The following CTSE variants were observed in gnomAD, a reference collection of about 807,000 sequenced individuals.
The protein encoded by CTSE is erythrocyte membrane aspartic proteinase.
Under a neutral mutation model 42.8 loss-of-function variants are expected in CTSE, and 43 were observed. That is an observed-to-expected ratio of 1.01 (90% CI 0.79 to 1.30). CTSE has a LOEUF of 1.30. Among genes scored for constraint, CTSE ranks in the 50% most tolerant of loss-of-function variants. The pLI is 0.00. For missense variants in CTSE, 532 were observed against 493.5 expected (o/e 1.08, Z -0.74); for synonymous variants, 205 against 191.5 (o/e 1.07, Z -0.58).
intron 4 of CTSE, among the ~76,000 whole-genome samples, chr1:206,019,739 CTT>C (rs1212853579): frequency 6.9e-6 from 1 of 145,072 alleles, no homozygotes; most frequent in Non-Finnish European, 1.5e-5. Flanking sequence ...TATATAGAAT[CTT>C]ATATATAACA....
In CTSE at chr1:206,012,253, T is replaced by G. The variant is rs1661121877; in HGVS notation, c.1026+55A>C. On this transcript the variant is annotated intron_variant, in intron 8 of 8. Coordinates refer to ENST00000358184, the MANE Select transcript of CTSE (RefSeq NM_001910.4). ...AGTGCAGGCGATTGAAAAGGGGAAGTGGCAGGCATGTGGGGAGGGCCCTGT... is the reference window on the plus strand; with the variant it reads ...AGTGCAGGCGATTGAAAAGGGGAAGGGGCAGGCATGTGGGGAGGGCCCTGT... 5.7e-6 allele frequency: 8 copies of G among 1,404,710 alleles called. No individual in the cohort carries two copies. In the South Asian group the frequency reaches 9.6e-5, roughly 17 times the overall value. 87.0% of individuals were successfully genotyped at this position (1,404,710 alleles called of 1,614,324 possible). A position where few individuals can be genotyped will look rare whatever the true frequency, so the allele number is the denominator to read the frequency against.
chr1:206,013,736 C>A (rs1316879720), intron 6 of CTSE, 36 bp downstream of exon 6: 1 of 1,607,976 alleles, frequency 6.2e-7, no homozygotes, highest in African/African-American at 1.3e-5. Context: ...TTCAGTTTAC[C>A]CCTAGTACTG....
chr1:206,010,453 G>A (rs1330164557), intron 8 of CTSE, 106 bp from the exon 9 acceptor site: 7 of 948,682 alleles, frequency 7.4e-6, no homozygotes, highest in African/African-American at 1.6e-5. Flanking sequence ...GGTGGCCTTG[G>A]ACAGCTGGTG....
chr1:206,022,582 T>A (rs1352281419), intron 2 of CTSE, among the ~76,000 whole-genome samples: 4 of 151,992 alleles, frequency 2.6e-5, no homozygotes, highest in Non-Finnish European at 4.4e-5. Flanking sequence ...GAACTGGGGC[T>A]GGGAGAGGTT....
chr1:206,017,846 C>A (rs1164569957), intron 4 of CTSE, among the ~76,000 whole-genome samples: 1 of 151,982 alleles, frequency 6.6e-6, no homozygotes, highest in Non-Finnish European at 1.5e-5. Flanking sequence ...ATCCCAATAT[C>A]CTTTCTGTAG....
At chr1:206,011,160 C>T (rs1269097253) in intron 8 of CTSE, among the ~76,000 whole-genome samples, 9 of 152,136 alleles carry the variant, frequency 5.9e-5, no homozygotes, top group East Asian at 1.9e-4. Context: ...CCACCCGCCT[C>T]GGCCTCCCAA....
At position 206,013,322 on chromosome 1, in the gene CTSE, TGC is replaced by T. The variant is rs1198361817; in HGVS notation, c.785+448_785+449del. 2.6e-5 allele frequency among the ~76,000 whole-genome samples: 4 copies of T among 152,046 alleles called. No individual in the cohort carries two copies. In the East Asian group the frequency reaches 7.7e-4, roughly 29 times the overall value. On this transcript the variant is annotated intron_variant, in intron 6 of 8. Transcript: ENST00000358184. ...TGGAGCATTCAGATAGAAGCGGTCA[TGC>T]CTGTCTGCTGGACCACATTGGTGGC...
rs1661041862 is a variant in CTSE at position 206,010,052 on chromosome 1, T to A, written c.*131A>T. ...GTGTGTATTCTCATGTTCTGTTTGG[T>A]CTTAATTCAAGTTGCAACCCTGGAA... On this transcript the variant is annotated 3_prime_UTR_variant, in exon 9 of 9. Transcript: ENST00000358184. 9.9e-7 allele frequency: 1 copy of A among 1,006,048 alleles called. No homozygotes were observed. Among genetic ancestry groups the A allele is most frequent in the South Asian group, 1.4e-5 (1 of 69,568 alleles). The allele number at this position is 1,006,048 out of a possible 1,614,324, so 62.3% of individuals were successfully genotyped here.
intron 5 of CTSE, among the ~76,000 whole-genome samples, chr1:206,014,600 A>G (rs1661211803): frequency 6.6e-6 from 1 of 152,036 alleles, no homozygotes; most frequent in Non-Finnish European, 1.5e-5. Context: ...ACCTTGGTGC[A>G]AGGCCGTGTA....
chr1:206,014,068 CT>C, intron 5 of CTSE, 174 bp from the exon 6 acceptor site: 1 of 665,690 alleles, frequency 1.5e-6, no homozygotes, highest in South Asian at 1.9e-5. Flanking sequence ...TGGTCTGGGC[CT>C]TTTTGACACA....
At chr1:206,020,684 T>A (rs1661391690) in intron 4 of CTSE, among the ~76,000 whole-genome samples, 1 of 152,014 alleles carries the variant, frequency 6.6e-6, no homozygotes, top group African/African-American at 2.4e-5. Flanking sequence ...CCCCCTTATG[T>A]TACTGAGTCC....
chr1:206,023,841 C>G lies in CTSE; in HGVS notation c.-50G>C. On this transcript the variant is annotated 5_prime_UTR_variant, in exon 1 of 9. Coordinates refer to ENST00000358184, the MANE Select transcript of CTSE (RefSeq NM_001910.4). Reference sequence around the variant, plus strand: ...CCTTGCCCCCTCCTTTCTTCTCTCCCCGAGGGCAGTGGGAACGGACTTTCC... The same window carrying G: ...CCTTGCCCCCTCCTTTCTTCTCTCCGCGAGGGCAGTGGGAACGGACTTTCC... The G allele has an allele frequency of 6.3e-7, 1 of 1,591,688 alleles. No individual in the cohort carries two copies. The highest frequency in any genetic ancestry group is 8.6e-7 in the Non-Finnish European group (1 of 1,160,638).
In CTSE at chr1:206,023,802, A is replaced by G. The variant is rs782267627; in HGVS notation, c.-11T>C. ...AAGGAGCGTTTTCATTGTGAGTCCG[A>G]CCAGCAGCTTCTCCCTTGCCCCCTC... On this transcript the variant is annotated 5_prime_UTR_variant, in exon 1 of 9. Coordinates refer to ENST00000358184, the MANE Select transcript of CTSE (RefSeq NM_001910.4). The G allele has an allele frequency of 6.2e-7, 1 of 1,613,174 alleles. No individual in the cohort carries two copies. The highest frequency in any genetic ancestry group is 2.2e-5 in the East Asian group (1 of 44,862).
chr1:206,021,041 G>A lies in CTSE; in HGVS notation c.462+8C>T. 1 of 1,570,176 alleles carries A rather than the reference G, an allele frequency of 6.4e-7. No homozygotes were observed. The highest frequency in any genetic ancestry group is 8.8e-7 in the Non-Finnish European group (1 of 1,139,852). The stretch of plus-strand genomic sequence containing the variant: ...CCAAGAGAGAAAAAATGAAGGACTT[G>A]CACTCACAGAGACTTGGTCGGCTCC... On this transcript the variant is annotated splice_region_variant and intron_variant, in intron 4 of 8. Coordinates refer to ENST00000358184, the MANE Select transcript of CTSE (RefSeq NM_001910.4).
intron 6 of CTSE, 31 bp from the exon 7 acceptor site, chr1:206,012,680 T>A (rs781784517): frequency 6.2e-7 from 1 of 1,604,254 alleles, no homozygotes; most frequent in African/African-American, 1.3e-5. Context: ...TCGGCCCACC[T>A]TCCCTCCCCC....
At position 206,010,103 on chromosome 1, in the gene CTSE, T is replaced by G; in HGVS notation, c.*80A>C. On this transcript the variant is annotated 3_prime_UTR_variant, in exon 9 of 9. Coordinates refer to ENST00000358184, the MANE Select transcript of CTSE (RefSeq NM_001910.4). ...ACAGCTACATTCTCTGGAAAATAAC[T>G]TTTTGTAGGTGTAAAGAATGCCCCA... 1 of 1,571,420 alleles carries G rather than the reference T, an allele frequency of 6.4e-7. No individual in the cohort carries two copies. Among genetic ancestry groups the G allele is most frequent in the Non-Finnish European group, 8.7e-7 (1 of 1,144,208 alleles).
At chr1:206,018,054 C>A (rs1201151378) in intron 4 of CTSE, among the ~76,000 whole-genome samples, 1 of 151,952 alleles carries the variant, frequency 6.6e-6, no homozygotes, top group Admixed American at 6.6e-5. Flanking sequence ...AGAAGTCTCT[C>A]GACAATTCAC....
intron 4 of CTSE, among the ~76,000 whole-genome samples, chr1:206,017,156 TTTG>T (rs1661285549): frequency 6.6e-6 from 1 of 152,122 alleles, no homozygotes; most frequent in Non-Finnish European, 1.5e-5. Context: ...TCGCACATTT[TTTG>T]TTAAATTTAC....
chr1:206,013,569 T>A (rs1214328133), intron 6 of CTSE, among the ~76,000 whole-genome samples: 1 of 152,000 alleles, frequency 6.6e-6, no homozygotes, highest in East Asian at 1.9e-4. Context: ...GCACGCCATG[T>A]GTACAAGGAA....
Sources: gnomAD v4.1 joint callset for allele counts (sites outside exome capture counted in the v4.1 genomes callset) on GRCh38, gnomAD v4.1.1 for gene constraint, MANE v1.5 for transcripts, NCBI Gene and HGNC (gene_info 2026-07-23, HGNC 2026-07-21) for gene names.